PIK3CB: variants seen among roughly 807,000 people sequenced by gnomAD.
The protein encoded by PIK3CB is phosphatidylinositol 4,5-bisphosphate 3-kinase catalytic subunit beta isoform.
PIK3CB carries 39 observed loss-of-function variants against 136.8 expected under a neutral mutation model. The ratio of observed to expected loss-of-function variants is 0.29; its 90% CI spans 0.22 to 0.37. The LOEUF is 0.37. Ranked by LOEUF, PIK3CB falls within the 10% of genes least tolerant of loss-of-function variation. The pLI is 1.00. For synonymous variants in PIK3CB, 428 were observed against 436.6 expected (o/e 0.98, Z 0.25); for missense variants, 868 against 1,275.4 (o/e 0.68, Z 4.87).
At chr3:138,663,148 G>A (rs1001233942) in intron 21 of PIK3CB, among the ~76,000 whole-genome samples, 13 of 151,952 alleles carry the variant, frequency 8.6e-5, no homozygotes, top group South Asian at 6.2e-4. Context: ...GAAAATTTTC[G>A]CAACCTACTC....
At position 138,790,618 on chromosome 3, in the gene PIK3CB, C is replaced by T. The variant is rs190373898; in HGVS notation, c.-17+5845G>A. 3.0e-3 allele frequency among the ~76,000 whole-genome samples: 427 copies of T among 144,058 alleles called. 2 individuals are homozygous for T. The highest frequency in any genetic ancestry group is 0.01 in the African/African-American group (408 of 39,072). 94.5% of individuals were successfully genotyped at this position (144,058 alleles called of 152,430 possible). On this transcript the variant is annotated intron_variant, in intron 2 of 23. Transcript: ENST00000674063. The stretch of plus-strand genomic sequence containing the variant: ...AGGAGATTGAGACCATCCTGGCTAA[C>T]ACAGTGAAACCCCATCTCTACTAAA...
At position 138,693,964 on chromosome 3, in the gene PIK3CB, TATTATATATATA is replaced by T. The variant is rs1392717989; in HGVS notation, c.1892+810_1892+821del. Among the ~76,000 whole-genome samples, 74 of 36,634 alleles carry T rather than the reference TATTATATATATA, an allele frequency of 2.0e-3. 1 individual carries two copies. The highest frequency in any genetic ancestry group is 9.5e-3 in the Admixed American group (24 of 2,528). 24.0% of individuals were successfully genotyped at this position (36,634 alleles called of 152,430 possible). A position where few individuals can be genotyped will look rare whatever the true frequency, so the allele number is the denominator to read the frequency against. Reference sequence around the variant, plus strand: ...ATATATATATATATATATATATATATATTATATATATATATATATATATATATATTTTAAACC... The same window carrying T: ...ATATATATATATATATATATATATATTATATATATATATATATTTTAAACC... On this transcript the variant is annotated intron_variant, in intron 14 of 23. Transcript: ENST00000674063.
intron 21 of PIK3CB, among the ~76,000 whole-genome samples, chr3:138,662,194 C>T (rs1181032267): frequency 6.7e-6 from 1 of 148,920 alleles, no homozygotes; most frequent in East Asian, 2.0e-4. Flanking sequence ...ATGTGCCATG[C>T]TGGTGTGCTG....
chr3:138,671,648 G>C (rs2043535663), intron 19 of PIK3CB, among the ~76,000 whole-genome samples: 1 of 152,200 alleles, frequency 6.6e-6, no homozygotes, highest in African/African-American at 2.4e-5. Context: ...ACCCGACAAA[G>C]AACTGTTAGG....
chr3:138,726,014 A>G (rs190649983), intron 8 of PIK3CB, among the ~76,000 whole-genome samples: 2 of 152,338 alleles, frequency 1.3e-5, no homozygotes, highest in East Asian at 3.9e-4. Flanking sequence ...AGTTAGGTTC[A>G]ACAGTTGGAA....
intron 19 of PIK3CB, among the ~76,000 whole-genome samples, chr3:138,678,857 G>C (rs1226064737): frequency 2.0e-5 from 3 of 152,092 alleles, no homozygotes; most frequent in Non-Finnish European, 2.9e-5. Flanking sequence ...CTTGAGGCCA[G>C]TAGTTCGAGA....
rs1007038668 is a variant in PIK3CB at position 138,804,466 on chromosome 3, G to A, written c.-121-7899C>T. ...GAAGGTTGAGGCTGCAGTGAGCCATGATCATGCCACTGCACTCAGCCTGAA... is the reference window on the plus strand; with the variant it reads ...GAAGGTTGAGGCTGCAGTGAGCCATAATCATGCCACTGCACTCAGCCTGAA... On this transcript the variant is annotated intron_variant, in intron 1 of 23. Coordinates refer to ENST00000674063, the MANE Select transcript of PIK3CB (RefSeq NM_006219.3). Among the ~76,000 whole-genome samples the A allele has an allele frequency of 9.2e-5, 14 of 152,076 alleles. 1 individual carries two copies. The highest frequency in any genetic ancestry group is 5.2e-4 in the Admixed American group (8 of 15,240).
intron 1 of PIK3CB, chr3:138,796,814 C>A (rs1470573162): frequency 6.6e-6 from 1 of 152,018 alleles, no homozygotes; most frequent in Non-Finnish European, 1.5e-5. Flanking sequence ...ATTTGCAGAG[C>A]ACAGTGCAAA....
intron 1 of PIK3CB, among the ~76,000 whole-genome samples, chr3:138,834,488 C>T (rs1490427321): frequency 6.6e-6 from 1 of 152,184 alleles, no homozygotes; most frequent in Non-Finnish European, 1.5e-5. Flanking sequence ...CCAGGGCGGG[C>T]CGCAACCAAG....
At position 138,751,457 on chromosome 3, in the gene PIK3CB, C is replaced by CAA. The variant is rs1215387870; in HGVS notation, c.397+4295_397+4296dup. Reference sequence around the variant, plus strand: ...TGGGCGATAGAGCGAGACTCCATCTCAAAAAAAAAAAAGAAATTTTATCAA... The same window carrying CAA: ...TGGGCGATAGAGCGAGACTCCATCTCAAAAAAAAAAAAAAGAAATTTTATCAA... On this transcript the variant is annotated intron_variant, in intron 4 of 23. Coordinates refer to ENST00000674063, the MANE Select transcript of PIK3CB (RefSeq NM_006219.3). Among the ~76,000 whole-genome samples the CAA allele has an allele frequency of 3.6e-3, 453 of 125,316 alleles. 4 individuals carry two copies. Among genetic ancestry groups the CAA allele is most frequent in the African/African-American group, 0.011 (384 of 34,766 alleles). The allele number at this position is 125,316 out of a possible 152,430, so 82.2% of individuals were successfully genotyped here. A position where few individuals can be genotyped will look rare whatever the true frequency, so the allele number is the denominator to read the frequency against.
chr3:138,798,357 G>T (rs1168039720), intron 1 of PIK3CB, among the ~76,000 whole-genome samples: 1 of 152,068 alleles, frequency 6.6e-6, no homozygotes, highest in Non-Finnish European at 1.5e-5. Flanking sequence ...TAGAGATGGG[G>T]TTTCACCATG....
At chr3:138,705,730 A>G (rs938073597) in intron 11 of PIK3CB, among the ~76,000 whole-genome samples, 2 of 152,224 alleles carry the variant, frequency 1.3e-5, no homozygotes, top group African/African-American at 4.8e-5. Context: ...AGGAAATTAA[A>G]TAAACTTTCA....
intron 21 of PIK3CB, 141 bp downstream of exon 21, chr3:138,663,765 G>C: frequency 5.4e-6 from 4 of 742,266 alleles, no homozygotes; most frequent in Non-Finnish European, 8.9e-6. Context: ...TATGAAACGA[G>C]AGGTAGTGAG....
intron 1 of PIK3CB, among the ~76,000 whole-genome samples, chr3:138,803,806 GCT>G (rs1445462927): frequency 6.6e-6 from 1 of 152,058 alleles, no homozygotes; most frequent in African/African-American, 2.4e-5. Flanking sequence ...AAATGCTTAG[GCT>G]CTCTACCTTG....
intron 2 of PIK3CB, among the ~76,000 whole-genome samples, chr3:138,782,852 G>C (rs1191427751): frequency 6.6e-6 from 1 of 152,164 alleles, no homozygotes; most frequent in Non-Finnish European, 1.5e-5. Flanking sequence ...TGTCTATTAA[G>C]TTTGGACCAT....
chr3:138,713,443 G>A (rs1277230290), intron 9 of PIK3CB, among the ~76,000 whole-genome samples: 4 of 152,016 alleles, frequency 2.6e-5, no homozygotes, highest in Non-Finnish European at 5.9e-5. Flanking sequence ...AGGCCGAGGC[G>A]GGTGAATCAC....
intron 8 of PIK3CB, among the ~76,000 whole-genome samples, chr3:138,728,813 T>C (rs2044901561): frequency 6.6e-6 from 1 of 150,892 alleles, no homozygotes; most frequent in African/African-American, 2.4e-5. Flanking sequence ...TGAATTAAAA[T>C]ATACAAATCA....
In PIK3CB at chr3:138,654,629, C is replaced by T. The variant is rs573313050; in HGVS notation, c.*760G>A. On this transcript the variant is annotated 3_prime_UTR_variant, in exon 24 of 24. Transcript: ENST00000674063. Reference sequence around the variant, plus strand: ...CTGGAAGAACTGGATCACACAGTTACCTAACTGAAAAGTAACTTAGGAAAA... The same window carrying T: ...CTGGAAGAACTGGATCACACAGTTATCTAACTGAAAAGTAACTTAGGAAAA... 4.4e-6 allele frequency: 1 copy of T among 226,194 alleles called. No individual in the cohort carries two copies. The highest frequency in any genetic ancestry group is 8.8e-6 in the Non-Finnish European group (1 of 113,772). The allele number at this position is 226,194 out of a possible 1,614,324, so 14.0% of individuals were successfully genotyped here.
At chr3:138,751,666 G>C (rs898172682) in intron 4 of PIK3CB, among the ~76,000 whole-genome samples, 1 of 151,568 alleles carries the variant, frequency 6.6e-6, no homozygotes, top group Non-Finnish European at 1.5e-5. Flanking sequence ...TACTAAAGAG[G>C]GTGTTAAAAT....
Sources: gnomAD v4.1 joint callset for allele counts (sites outside exome capture counted in the v4.1 genomes callset) on GRCh38, gnomAD v4.1.1 for gene constraint, MANE v1.5 for transcripts, NCBI Gene and HGNC (gene_info 2026-07-23, HGNC 2026-07-21) for gene names.